Variants in HS2ST1 observed in about 807,000 individuals in gnomAD.
HS2ST1 encodes heparan sulfate 2-O-sulfotransferase 1, also known as 2-O-sulfotransferase.
HS2ST1 carries 18 observed loss-of-function variants against 42.9 expected under a neutral mutation model. The observed-to-expected ratio is 0.42, with a 90% CI of 0.29 to 0.62. HS2ST1 has a LOEUF of 0.62. HS2ST1 is among the 20% of genes least tolerant of loss of function. HS2ST1 has a pLI of 0.21. For missense variants in HS2ST1, 334 were observed against 433.8 expected (o/e 0.77, Z 2.04); for synonymous variants, 146 against 152.9 (o/e 0.95, Z 0.33).
chr1:86,933,509 A>T (rs2102167029), intron 1 of HS2ST1, among the ~76,000 whole-genome samples: 1 of 152,104 alleles, frequency 6.6e-6, no homozygotes, highest in African/African-American at 2.4e-5. Flanking sequence ...TTTGTCTTAG[A>T]GTTTCCATGT....
chr1:87,006,037 A>G (rs1255338580), intron 1 of HS2ST1, among the ~76,000 whole-genome samples: 1 of 152,152 alleles, frequency 6.6e-6, no homozygotes, highest in Non-Finnish European at 1.5e-5. Flanking sequence ...ATTAGGTAGA[A>G]TAAGAGAAAT....
At chr1:87,049,872 C>T (rs776077689) in intron 1 of HS2ST1, among the ~76,000 whole-genome samples, 6 of 152,034 alleles carry the variant, frequency 3.9e-5, no homozygotes, top group Non-Finnish European at 8.8e-5. Flanking sequence ...ATTATACTTG[C>T]AGATTTGTCT....
At chr1:86,997,813 C>CT (rs1262602731) in intron 1 of HS2ST1, among the ~76,000 whole-genome samples, 6 of 152,266 alleles carry the variant, frequency 3.9e-5, no homozygotes, top group Admixed American at 1.3e-4. Context: ...CAATAATGTC[C>CT]TGAGTGGGAC....
intron 1 of HS2ST1, among the ~76,000 whole-genome samples, chr1:86,981,766 CA>C (rs1307505236): frequency 6.6e-6 from 1 of 152,340 alleles, no homozygotes; most frequent in East Asian, 1.9e-4. Context: ...TGAGTGCCTG[CA>C]GCGTTTCCAG....
intron 1 of HS2ST1, among the ~76,000 whole-genome samples, chr1:87,047,141 G>A (rs1404958579): frequency 6.6e-6 from 1 of 152,090 alleles, no homozygotes; most frequent in Non-Finnish European, 1.5e-5. Flanking sequence ...CCGGTCTTCA[G>A]TTTTAGCCAT....
chr1:86,964,216 C>A (rs1167192604), intron 1 of HS2ST1, among the ~76,000 whole-genome samples: 1 of 152,024 alleles, frequency 6.6e-6, no homozygotes, highest in African/African-American at 2.4e-5. Context: ...CAAAGACACT[C>A]CTCACTTCCC....
In HS2ST1 at chr1:87,109,187, T is replaced by C. The variant is rs1235236960; in HGVS notation, c.*4491T>C. 2.6e-5 allele frequency: 4 copies of C among 152,542 alleles called. No individual in the cohort carries two copies. Among genetic ancestry groups the C allele is most frequent in the Non-Finnish European group, 4.4e-5 (3 of 67,994 alleles). 9.4% of individuals were successfully genotyped at this position (152,542 alleles called of 1,614,324 possible). A position where few individuals can be genotyped will look rare whatever the true frequency, so the allele number is the denominator to read the frequency against. On this transcript the variant is annotated 3_prime_UTR_variant, in exon 7 of 7. Transcript: ENST00000370550. ...AATAAACAGTGGGAAGGGGAAAAAT[T>C]GGTGTCCTGTTTTAATATTTTCTTT... is the stretch of plus-strand genomic sequence containing the variant.
intron 1 of HS2ST1, among the ~76,000 whole-genome samples, chr1:86,973,912 G>A (rs537623473): frequency 6.6e-6 from 1 of 152,242 alleles, no homozygotes; most frequent in Admixed American, 6.5e-5. Context: ...CATTTGCAGA[G>A]CAATTTAAGA....
chr1:86,931,566 A>C lies in HS2ST1; in HGVS notation c.124+16406A>C, dbSNP rs551339577. The stretch of plus-strand genomic sequence containing the variant: ...ACAGAATAAAAGTGAAAGTTTTATT[A>C]AATAATAACAAGGATAGTTTGGGAA... On this transcript the variant is annotated intron_variant, in intron 1 of 6. Transcript: ENST00000370550. Among the ~76,000 whole-genome samples, 6 of 152,194 alleles carry C rather than the reference A, an allele frequency of 3.9e-5. 1 individual carries two copies. In the South Asian group the frequency reaches 1.2e-3, roughly 32 times the overall value.
chr1:87,087,016 AG>A (rs1651832498), intron 3 of HS2ST1, among the ~76,000 whole-genome samples: 1 of 152,084 alleles, frequency 6.6e-6, no homozygotes, highest in African/African-American at 2.4e-5. Flanking sequence ...AAGTTGAGTA[AG>A]TTGCAGTTCT....
chr1:87,097,858 A>T lies in HS2ST1; in HGVS notation c.609A>T (p.Ala203=). The change falls in exon 5 of 7, where the codon GCA becomes GCT. Residue 203 remains alanine, a synonymous_variant. Coordinates refer to ENST00000370550, the MANE Select transcript of HS2ST1 (RefSeq NM_012262.4). ...GDKKTFDECV[A]EGGSDCAPEK... is the part of the protein sequence containing the mutation. ...TCTAGACCTTTGATGAATGTGTAGC[A>T]GAAGGTGGCTCAGACTGTGCTCCAG... 1 of 1,614,006 alleles carries T rather than the reference A, an allele frequency of 6.2e-7. No individual in the cohort carries two copies. Among genetic ancestry groups the T allele is most frequent in the South Asian group, 1.1e-5 (1 of 91,080 alleles).
At chr1:87,041,899 C>A (rs865974116) in intron 1 of HS2ST1, among the ~76,000 whole-genome samples, 19 of 152,218 alleles carry the variant, frequency 1.2e-4, no homozygotes, top group Admixed American at 7.2e-4. Context: ...CTTCATTGTA[C>A]ATATGGGAGT....
At chr1:87,021,026 A>G (rs901427893) in intron 1 of HS2ST1, among the ~76,000 whole-genome samples, 1 of 152,210 alleles carries the variant, frequency 6.6e-6, no homozygotes, top group African/African-American at 2.4e-5. Flanking sequence ...CCCATTTAAG[A>G]TGACCTTTCT....
chr1:86,976,769 T>G (rs1269339203), intron 1 of HS2ST1, among the ~76,000 whole-genome samples: 1 of 144,132 alleles, frequency 6.9e-6, no homozygotes, highest in African/African-American at 2.5e-5. Context: ...TTACTTGTTC[T>G]CTTGAAAACC....
At chr1:86,965,631 G>A (rs895006705) in intron 1 of HS2ST1, among the ~76,000 whole-genome samples, 4 of 152,018 alleles carry the variant, frequency 2.6e-5, no homozygotes, top group Admixed American at 6.5e-5. Flanking sequence ...TGGTCTTGGG[G>A]TGGAGGTGGG....
chr1:86,920,614 A>G (rs1660272263), intron 1 of HS2ST1, among the ~76,000 whole-genome samples: 1 of 152,202 alleles, frequency 6.6e-6, no homozygotes, highest in African/African-American at 2.4e-5. Flanking sequence ...TAGGCCTTCT[A>G]ATAGCTTTTT....
intron 1 of HS2ST1, among the ~76,000 whole-genome samples, chr1:86,964,087 G>A (rs1223389771): frequency 6.6e-6 from 1 of 150,430 alleles, no homozygotes; most frequent in Non-Finnish European, 1.5e-5. Context: ...GGGTGGCGGG[G>A]CAGAGGCATT....
chr1:87,031,807 A>G (rs1650245910), intron 1 of HS2ST1, among the ~76,000 whole-genome samples: 1 of 152,322 alleles, frequency 6.6e-6, no homozygotes, highest in South Asian at 2.1e-4. Flanking sequence ...GAAGGTTGTT[A>G]TTTAGATAAT....
chr1:87,031,273 A>G lies in HS2ST1; in HGVS notation c.125-41661A>G, dbSNP rs1385017749. ...AGTGTTCTTATCTCCAAAATGGGAT[A>G]GGCCTATATCCGTGGAAATACTGCT... is the stretch of plus-strand genomic sequence containing the variant. On this transcript the variant is annotated intron_variant, in intron 1 of 6. Transcript: ENST00000370550. 2.6e-5 allele frequency among the ~76,000 whole-genome samples: 4 copies of G among 152,156 alleles called. No individual in the cohort carries two copies. In the South Asian group the frequency reaches 6.2e-4, roughly 24 times the overall value.
Sources: allele counts gnomAD v4.1 joint callset (sites outside exome capture counted in the v4.1 genomes callset), GRCh38; gene constraint gnomAD v4.1.1; transcripts MANE v1.5; gene names NCBI Gene and HGNC (gene_info 2026-07-23, HGNC 2026-07-21).